PRRG2: variants seen among roughly 807,000 people sequenced by gnomAD.
PRRG2 encodes transmembrane gamma-carboxyglutamic acid protein 2.
PRRG2 carries 23 observed loss-of-function variants against 27.1 expected under a neutral mutation model. The ratio of observed to expected loss-of-function variants is 0.85; its 90% CI spans 0.61 to 1.20. The LOEUF (loss-of-function observed/expected upper bound fraction) is 1.20. PRRG2 is among the 50% of genes most tolerant of loss of function. The pLI is 0.00. For synonymous variants in PRRG2, 104 were observed against 103.4 expected, an observed-to-expected ratio of 1.01 and a Z score of -0.03; for missense variants, 276 against 254.8, an observed-to-expected ratio of 1.08 and a Z score of -0.57.
At chr19:49,588,353 A>G (rs1186241857) in intron 4 of PRRG2, 144 bp from the exon 5 acceptor site, 14 of 1,162,470 alleles carry the variant, frequency 1.2e-5, no homozygotes, top group Non-Finnish European at 1.7e-5. Flanking sequence ...AATGAGGTGA[A>G]TTTCCTGAGG....
Position 49,590,505 on chromosome 19 carries a change from T to A in PRRG2, c.*116T>A. On this transcript the variant is annotated 3_prime_UTR_variant, in exon 7 of 7. Coordinates refer to ENST00000246794, the MANE Select transcript of PRRG2 (RefSeq NM_000951.3). ...GACTTGGAGTGGGGAATGGTGGGAG[T>A]AGGGGTCATCCGGCCCGAGGCCTGC... 1 of 1,451,826 alleles carries A rather than the reference T, an allele frequency of 6.9e-7. No individual in the cohort carries two copies. The highest frequency in any genetic ancestry group is 9.5e-7 in the Non-Finnish European group (1 of 1,048,820). The allele number at this position is 1,451,826 out of a possible 1,614,324, so 89.9% of individuals were successfully genotyped here.
Position 49,581,333 on chromosome 19 carries a change from A to G in PRRG2, c.-162A>G, listed in dbSNP as rs971909059. The stretch of plus-strand genomic sequence containing the variant: ...TAATGGCAAGTTCCGCCCACCTGCC[A>G]GAAACGGGGATCAGGCCTGGTTACC... On this transcript the variant is annotated 5_prime_UTR_variant, in exon 1 of 7. Coordinates refer to ENST00000246794, the MANE Select transcript of PRRG2 (RefSeq NM_000951.3). 1 of 152,234 alleles carries G rather than the reference A, an allele frequency of 6.6e-6. No individual in the cohort carries two copies. The highest frequency in any genetic ancestry group is 2.4e-5 in the African/African-American group (1 of 41,436). 9.4% of individuals were successfully genotyped at this position (152,234 alleles called of 1,614,324 possible).
At chr19:49,586,693 A>G (rs936185905) in intron 4 of PRRG2, among the ~76,000 whole-genome samples, 1 of 152,146 alleles carries the variant, frequency 6.6e-6, no homozygotes, top group African/African-American at 2.4e-5. Context: ...TCTACTAAAA[A>G]TATAAAAATT....
intron 6 of PRRG2, 52 bp from the exon 7 acceptor site, chr19:49,590,319 G>A (rs770432817): frequency 1.9e-6 from 3 of 1,613,608 alleles, no homozygotes; most frequent in Non-Finnish European, 2.5e-6. Context: ...GGTTGAAGGG[G>A]GGAGAAAAAC....
intron 3 of PRRG2, 62 bp downstream of exon 3, chr19:49,583,779 T>A: frequency 6.2e-7 from 1 of 1,611,604 alleles, no homozygotes; most frequent in Admixed American, 1.7e-5. Context: ...GTGGGGAGGT[T>A]GCAGGGGTAG....
At chr19:49,590,101 C>G in intron 6 of PRRG2, 49 bp downstream of exon 6, 1 of 1,446,132 alleles carries the variant, frequency 6.9e-7, no homozygotes, top group Non-Finnish European at 9.1e-7. Flanking sequence ...GGGGTGGGCA[C>G]GTTGGAGGAG....
In PRRG2 at chr19:49,588,606, C is replaced by A; in HGVS notation, c.411C>A (p.His137Gln). The A allele has an allele frequency of 6.5e-7, 1 of 1,545,872 alleles. No homozygotes were observed. ...TTTGGTATCTGCGCTGGCGACAGCA[C>A]CGAGGCCAGCAGCCCTGTCCCCAAG... The part of the protein sequence containing the change: ...GAFWYLRWRQ[H>Q]RGQQPCPQEA... The change falls in exon 5 of 7, where the codon CAC becomes CAA. Residue 137 changes from histidine to glutamine, a missense_variant. Physicochemically the swap from His to Gln is conservative, Grantham distance 24. Coordinates refer to ENST00000246794, the MANE Select transcript of PRRG2 (RefSeq NM_000951.3).
In PRRG2 at chr19:49,590,457, A is replaced by G; in HGVS notation, c.*68A>G. 1 of 1,602,544 alleles carries G rather than the reference A, an allele frequency of 6.2e-7. No individual in the cohort carries two copies. Among genetic ancestry groups the G allele is most frequent in the Non-Finnish European group, 8.5e-7 (1 of 1,171,142 alleles). On this transcript the variant is annotated 3_prime_UTR_variant, in exon 7 of 7. Transcript: ENST00000246794. ...TTCATACCGGATTCCGGAAGCCGCTAGGCCTCATAGACGCCGAAGCTGGAC... is the reference window on the plus strand; with the variant it reads ...TTCATACCGGATTCCGGAAGCCGCTGGGCCTCATAGACGCCGAAGCTGGAC...
At position 49,590,519 on chromosome 19, in the gene PRRG2, C is replaced by A; in HGVS notation, c.*130C>A. 1 of 1,312,316 alleles carries A rather than the reference C, an allele frequency of 7.6e-7. No individual in the cohort carries two copies. The highest frequency in any genetic ancestry group is 1.1e-6 in the Non-Finnish European group (1 of 931,844). 81.3% of individuals were successfully genotyped at this position (1,312,316 alleles called of 1,614,324 possible). A position where few individuals can be genotyped will look rare whatever the true frequency, so the allele number is the denominator to read the frequency against. On this transcript the variant is annotated 3_prime_UTR_variant, in exon 7 of 7. Coordinates refer to ENST00000246794, the MANE Select transcript of PRRG2 (RefSeq NM_000951.3). The stretch of plus-strand genomic sequence containing the variant: ...AATGGTGGGAGTAGGGGTCATCCGG[C>A]CCGAGGCCTGCCCTGGCACACGCGT...
chr19:49,590,567 CAT>C lies in PRRG2; in HGVS notation c.*179_*180del, dbSNP rs747709015. 3.5e-4 allele frequency: 291 copies of C among 839,676 alleles called. No individual in the cohort carries two copies. In the Admixed American group the frequency reaches 4.6e-3, roughly 13 times the overall value. The allele number at this position is 839,676 out of a possible 1,614,324, so 52.0% of individuals were successfully genotyped here. ...CGTTTCCGCCGCGTATGGATATACA[CAT>C]GTTTTCGGCAACGTGTTCCCGTGTC... On this transcript the variant is annotated 3_prime_UTR_variant, in exon 7 of 7. Coordinates refer to ENST00000246794, the MANE Select transcript of PRRG2 (RefSeq NM_000951.3).
At chr19:49,583,119 T>C in intron 1 of PRRG2, 88 bp from the exon 2 acceptor site, 7 of 1,033,162 alleles carry the variant, frequency 6.8e-6, no homozygotes, top group Non-Finnish European at 1.0e-5. Context: ...ATTATTGCCA[T>C]TCGTGGACCA....
At chr19:49,590,315 A>T (rs7249925) in intron 6 of PRRG2, 56 bp from the exon 7 acceptor site, 1 of 1,612,874 alleles carries the variant, frequency 6.2e-7, no homozygotes, top group South Asian at 1.1e-5. Flanking sequence ...TCCTGGTTGA[A>T]GGGGGGAGAA....
chr19:49,583,121 C>T (rs781367680), intron 1 of PRRG2, 86 bp from the exon 2 acceptor site: 135 of 1,049,844 alleles, frequency 1.3e-4, no homozygotes, highest in Middle Eastern at 8.3e-4. Context: ...TATTGCCATT[C>T]GTGGACCACA....
chr19:49,589,025 A>C (rs1467526767), intron 5 of PRRG2, among the ~76,000 whole-genome samples: 1 of 151,490 alleles, frequency 6.6e-6, no homozygotes, highest in Non-Finnish European at 1.5e-5. Context: ...GGGTGTGGGA[A>C]ATTGGTGAGG....
rs1456900145 is a variant in PRRG2 at position 49,588,501 on chromosome 19, T to C, written c.306T>C (p.Arg102=). ...CCCTTCCCTACTTTCCTGCAGGGCGTGGACGAGTGGATGTGGCCAGCCTGG... is the reference window on the plus strand; with the variant it reads ...CCCTTCCCTACTTTCCTGCAGGGCGCGGACGAGTGGATGTGGCCAGCCTGG... ...ESYIYNGKGG[R]GRVDVASLAV... Residue 102 remains arginine (R), a synonymous_variant, in exon 5 of 7, where the codon CGT becomes CGC. Transcript: ENST00000246794. The C allele has an allele frequency of 8.8e-6, 14 of 1,591,354 alleles. No individual in the cohort carries two copies. Among genetic ancestry groups the C allele is most frequent in the Non-Finnish European group, 1.2e-5 (14 of 1,169,322 alleles).
chr19:49,581,101 T>C (rs1317679017), upstream of PRRG2, among the ~76,000 whole-genome samples: 1 of 152,054 alleles, frequency 6.6e-6, no homozygotes, highest in Non-Finnish European at 1.5e-5. Flanking sequence ...ACCTAGATAT[T>C]AATTTTTCTA....
chr19:49,583,091 G>T (rs2080640217), intron 1 of PRRG2, 116 bp from the exon 2 acceptor site: 1 of 747,706 alleles, frequency 1.3e-6, no homozygotes, highest in Admixed American at 2.7e-5. Flanking sequence ...CAGAATACAG[G>T]CTGTGTAAGT....
rs144521999 is a variant in PRRG2, at chr19:49,589,991, A to T, written c.529A>T (p.Thr177Ser). ...CCCACCCCCACCCCCAGGCCTCCCC[A>T]CCTATGAGCAGGCGCTGGCAGCCTC... ...PPPPPPPGLP[T>S]YEQALAASGV... Residue 177 changes from threonine (T) to serine (S), a missense_variant, in exon 6 of 7, where the codon ACC becomes TCC. Coordinates refer to ENST00000246794, the MANE Select transcript of PRRG2 (RefSeq NM_000951.3). 0.13 allele frequency: 173,508 copies of T among 1,387,676 alleles called. 10,895 individuals are homozygous for T. Among genetic ancestry groups the T allele is most frequent in the Non-Finnish European group, 0.14 (148,076 of 1,044,890 alleles). The allele number at this position is 1,387,676 out of a possible 1,614,324, so 86.0% of individuals were successfully genotyped here.
At position 49,590,602 on chromosome 19, in the gene PRRG2, C is replaced by G. The variant is rs2080713701; in HGVS notation, c.*213C>G. On this transcript the variant is annotated 3_prime_UTR_variant, in exon 7 of 7. Coordinates refer to ENST00000246794, the MANE Select transcript of PRRG2 (RefSeq NM_000951.3). ...GCAACGTGTTCCCGTGTCCTGGCCCCTCACGGGCCCCCACACTCTCCTGAC... is the reference window on the plus strand; with the variant it reads ...GCAACGTGTTCCCGTGTCCTGGCCCGTCACGGGCCCCCACACTCTCCTGAC... 1 of 647,832 alleles carries G rather than the reference C, an allele frequency of 1.5e-6. No individual in the cohort carries two copies. The highest frequency in any genetic ancestry group is 1.8e-5 in the African/African-American group (1 of 54,644). The allele number at this position is 647,832 out of a possible 1,614,324, so 40.1% of individuals were successfully genotyped here.
Sources: allele counts gnomAD v4.1 joint callset (sites outside exome capture counted in the v4.1 genomes callset), GRCh38; gene constraint gnomAD v4.1.1; transcripts MANE v1.5; gene names NCBI Gene and HGNC (gene_info 2026-07-23, HGNC 2026-07-21).